Variants in OTOA observed in about 807,000 individuals in gnomAD.
OTOA encodes the protein cancer/testis antigen 108.
OTOA carries 70 observed loss-of-function variants against 110.8 expected under a neutral mutation model. That is an observed-to-expected ratio of 0.63 (90% CI 0.52 to 0.77). The LOEUF is 0.77. Ranked by LOEUF, OTOA falls within the 30% of genes least tolerant of loss-of-function variation. OTOA has a pLI of 0.00. For synonymous variants in OTOA, 373 were observed against 431.5 expected (o/e 0.86, Z 1.68); for missense variants, 917 against 1,075.8 (o/e 0.85, Z 2.06).
intron 15 of OTOA, among the ~76,000 whole-genome samples, chr16:21,718,027 G>A (rs1253619168): frequency 6.6e-6 from 1 of 152,076 alleles, no homozygotes; most frequent in Non-Finnish European, 1.5e-5. Flanking sequence ...CACAATCTTG[G>A]CTCACTGTAA....
chr16:21,716,862 A>T (rs1182364174), intron 14 of OTOA, 45 bp from the exon 15 acceptor site: 5 of 1,611,976 alleles, frequency 3.1e-6, no homozygotes, highest in Non-Finnish European at 4.2e-6. Flanking sequence ...TCAAAGCTCA[A>T]TGCATTTTTT....
At chr16:21,725,057 CG>C (rs1214651099) in intron 18 of OTOA, among the ~76,000 whole-genome samples, 1 of 151,776 alleles carries the variant, frequency 6.6e-6, no homozygotes. Flanking sequence ...GGATTACAGG[CG>C]TGAGCCACCA....
rs1362751072 is a variant in OTOA, at chr16:21,664,029, G to A, written c.-208G>A. 2 of 152,202 alleles carry A rather than the reference G, an allele frequency of 1.3e-5. No homozygotes were observed. Among genetic ancestry groups the A allele is most frequent in the Admixed American group, 6.5e-5 (1 of 15,282 alleles). The allele number at this position is 152,202 out of a possible 1,614,324, so 9.4% of individuals were successfully genotyped here. A position where few individuals can be genotyped will look rare whatever the true frequency, so the allele number is the denominator to read the frequency against. ...GCGTCTTGCAAGCTTCGACAGATAG[G>A]AAGTCCCAGGCGGGGACTGTGACCC... On this transcript the variant is annotated 5_prime_UTR_variant, in exon 1 of 29. Transcript: ENST00000646100.
In OTOA at chr16:21,710,030, C is replaced by A. The variant is rs1432186911; in HGVS notation, c.1247C>A (p.Thr416Asn). The A allele has an allele frequency of 1.2e-6, 2 of 1,613,988 alleles. No individual in the cohort carries two copies. The highest frequency in any genetic ancestry group is 2.7e-5 in the African/African-American group (2 of 74,922). The change falls in exon 13 of 29, where the codon ACC becomes AAC. Residue 416 changes from threonine (T) to asparagine (N), a missense_variant. Thr to Asn is a moderately conservative substitution (Grantham distance 65, BLOSUM62 0). Around this residue, in one of 6 missense-constraint regions of OTOA, gnomAD observed 840 missense variants for 910.2 expected, o/e 0.92. Coordinates refer to ENST00000646100, the MANE Select transcript of OTOA (RefSeq NM_144672.4). ...SPEAVHGAIS[T>N]LNQVSGWAKS... ...GAGGCTGTGCACGGAGCCATCTCCACCCTCAACCAGGTCTCAGGTTGGGCC... is the reference window on the plus strand; with the variant it reads ...GAGGCTGTGCACGGAGCCATCTCCAACCTCAACCAGGTCTCAGGTTGGGCC...
rs752396507 is a variant in OTOA, at chr16:21,679,074, GC to G, written c.151+13del. 2 of 1,613,682 alleles carry G rather than the reference GC, an allele frequency of 1.2e-6. No individual in the cohort carries two copies. The highest frequency in any genetic ancestry group is 1.7e-5 in the Admixed American group (1 of 59,982). Reference sequence around the variant, plus strand: ...ATGGAAGCTATCTGAATGGTAATGTGCCCCCTTGATCTCCACTTGCTTCTTC... The same window carrying G: ...ATGGAAGCTATCTGAATGGTAATGTGCCCCTTGATCTCCACTTGCTTCTTC... On this transcript the variant is annotated intron_variant, in intron 4 of 28. Coordinates refer to ENST00000646100, the MANE Select transcript of OTOA (RefSeq NM_144672.4).
At chr16:21,722,274 A>C (rs1002268839) in intron 17 of OTOA, among the ~76,000 whole-genome samples, 199 of 82,076 alleles carry the variant, frequency 2.4e-3, no homozygotes, top group Middle Eastern at 6.7e-3. Context: ...AAAAAACAAA[A>C]AAAAAAAACA....
chr16:21,728,249 C>T lies in OTOA; in HGVS notation c.2025C>T (p.Ser675=), dbSNP rs1296900538. The part of the protein sequence containing the change: ...LRKVQQCLDD[S]IADEYTVDIM... ...CCACTTTTTGGGTTCAGGACGACTC[C>T]ATTGCTGATGAGTACACTGTGGACA... Residue 675 remains serine, a synonymous_variant, in exon 20 of 29, where the codon TCC becomes TCT. Coordinates refer to ENST00000646100, the MANE Select transcript of OTOA (RefSeq NM_144672.4). The T allele has an allele frequency of 3.1e-6, 5 of 1,614,144 alleles. No individual in the cohort carries two copies. Among genetic ancestry groups the T allele is most frequent in the Admixed American group, 3.3e-5 (2 of 60,028 alleles).
chr16:21,695,892 T>TATATATATATATATATATATA (rs377002847), intron 9 of OTOA, among the ~76,000 whole-genome samples: 4 of 21,066 alleles, frequency 1.9e-4, no homozygotes, highest in East Asian at 1.1e-3. Flanking sequence ...TATATATATA[T>TATATATATATATATATATATA]TTTTTTTTTT....
Position 21,736,381 on chromosome 16 carries a change from C to T in OTOA, c.2422C>T (p.Pro808Ser), listed in dbSNP as rs775622617. 2.5e-6 allele frequency: 4 copies of T among 1,614,112 alleles called. No individual in the cohort carries two copies. The highest frequency in any genetic ancestry group is 3.4e-6 in the Non-Finnish European group (4 of 1,180,012). Residue 808 changes from proline to serine, a missense_variant, in exon 22 of 29, where the codon CCT (proline) becomes TCT (serine). Physicochemically the swap from Pro to Ser is moderately conservative, Grantham distance 74 (BLOSUM62 -1). This residue lies in a region of OTOA where 57 missense variants were observed against 59.7 expected (regional missense o/e 0.96). Coordinates refer to ENST00000646100, the MANE Select transcript of OTOA (RefSeq NM_144672.4). Reference sequence around the variant, plus strand: ...CAGTGATAAGATCCCCAGCTATGACCCTATGCCTGGTGAGTGTTTTCAGGG... The same window carrying T: ...CAGTGATAAGATCCCCAGCTATGACTCTATGCCTGGTGAGTGTTTTCAGGG... Reference protein sequence around the residue: ...NSSDKIPSYDPMPGCHGVVAP... With the variant: ...NSSDKIPSYDSMPGCHGVVAP...
At position 21,675,937 on chromosome 16, in the gene OTOA, A is replaced by T. The variant is rs956666082; in HGVS notation, c.-4-2574A>T. ...GGTAATTTTTATTTATTTATTAAAA[A>T]ATTTCTTTGAGACAGGTTCTCGCTC... On this transcript the variant is annotated intron_variant, in intron 1 of 28. Coordinates refer to ENST00000646100, the MANE Select transcript of OTOA (RefSeq NM_144672.4). Among the ~76,000 whole-genome samples, 7 of 151,998 alleles carry T rather than the reference A, an allele frequency of 4.6e-5. No homozygotes were observed. The East Asian group carries it at 1.2e-3, about 25-fold the overall frequency.
chr16:21,679,684 T>C (rs1000213672), intron 5 of OTOA, among the ~76,000 whole-genome samples: 1 of 152,096 alleles, frequency 6.6e-6, no homozygotes, highest in African/African-American at 2.4e-5. Context: ...GGATTACAGG[T>C]GTGAGCCACC....
chr16:21,709,768 A>G (rs938048257), intron 12 of OTOA, 120 bp from the exon 13 acceptor site: 2 of 898,486 alleles, frequency 2.2e-6, no homozygotes, highest in African/African-American at 3.3e-5. Context: ...CTGAGCCCAA[A>G]AGCTTTGATG....
intron 6 of OTOA, 147 bp from the exon 7 acceptor site, chr16:21,685,083 A>C: frequency 1.8e-6 from 2 of 1,133,432 alleles, no homozygotes. Flanking sequence ...TAATGAGGAA[A>C]TTTGGAGGTG....
chr16:21,720,273 T>C (rs749907493), intron 17 of OTOA, among the ~76,000 whole-genome samples: 1 of 152,180 alleles, frequency 6.6e-6, no homozygotes, highest in African/African-American at 2.4e-5. Context: ...GATTTTTCAG[T>C]GTCTAAGCTA....
rs1489054328 is a variant in OTOA, at chr16:21,685,258, G to A, written c.296G>A (p.Arg99His). The change falls in exon 7 of 29, where the codon CGT becomes CAT. Residue 99 changes from arginine (R) to histidine (H), a missense_variant. Coordinates refer to ENST00000646100, the MANE Select transcript of OTOA (RefSeq NM_144672.4). ...QAAVENHLEQ[R>H]LHQPQKLLED... ...GCCGTGGAAAACCACCTGGAGCAGCGTCTGCACCAGCCCCAGAAGCTGCTG... is the reference window on the plus strand; with the variant it reads ...GCCGTGGAAAACCACCTGGAGCAGCATCTGCACCAGCCCCAGAAGCTGCTG... The A allele has an allele frequency of 4.3e-6, 7 of 1,612,614 alleles. No individual in the cohort carries two copies. Among genetic ancestry groups the A allele is most frequent in the Non-Finnish European group, 5.9e-6 (7 of 1,179,014 alleles).
chr16:21,718,439 A>G (rs1362948277), intron 15 of OTOA, among the ~76,000 whole-genome samples: 1 of 152,086 alleles, frequency 6.6e-6, no homozygotes, highest in Non-Finnish European at 1.5e-5. Context: ...ACTTTCCTCC[A>G]TCGTCCATTC....
chr16:21,695,891 A>ATATATTTTTTTTTTTT (rs569493650), intron 9 of OTOA, among the ~76,000 whole-genome samples: 1 of 41,904 alleles, frequency 2.4e-5, no homozygotes, highest in Non-Finnish European at 3.7e-5. Flanking sequence ...ATATATATAT[A>ATATATTTTTTTTTTTT]TTTTTTTTTT....
intron 1 of OTOA, among the ~76,000 whole-genome samples, chr16:21,674,821 ATTTATTTTTTAG>A (rs1485689985): frequency 1.3e-5 from 1 of 78,866 alleles, no homozygotes; most frequent in Non-Finnish European, 2.6e-5. Flanking sequence ...TGGATTGCTT[ATTTATTTTTTAG>A]TTTTAAGAGT....
intron 8 of OTOA, among the ~76,000 whole-genome samples, chr16:21,688,753 A>G (rs1267116428): frequency 6.6e-6 from 1 of 152,140 alleles, no homozygotes; most frequent in Non-Finnish European, 1.5e-5. Flanking sequence ...TGAGGTATCC[A>G]GCCTCATGAC....
Sources: gnomAD v4.1 joint callset for allele counts (sites outside exome capture counted in the v4.1 genomes callset) on GRCh38, gnomAD v4.1.1 for gene constraint, gnomAD v4.1.1 regional missense constraint, MANE v1.5 for transcripts, NCBI Gene and HGNC (gene_info 2026-07-23, HGNC 2026-07-21) for gene names.